Variants in FHIP1A observed in about 807,000 individuals in gnomAD.
The protein encoded by FHIP1A is FHF complex subunit HOOK-interacting protein 1A.
In FHIP1A, 61 loss-of-function variants were observed where a neutral mutation model predicts 88.6. The observed-to-expected ratio is 0.69, with a 90% CI of 0.56 to 0.85. The LOEUF (loss-of-function observed/expected upper bound fraction) is 0.85, where lower values mean the gene tolerates loss of function less well. Among genes scored for constraint, FHIP1A ranks in the 40% least tolerant of loss-of-function variants. FHIP1A has a pLI of 0.00. For missense variants in FHIP1A, 1,154 were observed against 1,273.5 expected (o/e 0.91, Z 1.43); for synonymous variants, 478 against 496.0 (o/e 0.96, Z 0.48).
At chr4:151,515,803 T>TACAA (rs1731212872) in intron 3 of FHIP1A, among the ~76,000 whole-genome samples, 1 of 151,778 alleles carries the variant, frequency 6.6e-6, no homozygotes, top group Non-Finnish European at 1.5e-5. Flanking sequence ...TAAAAGAGGA[T>TACAA]ACAAACAAAT....
At chr4:151,587,589 C>A (rs926776748) in intron 6 of FHIP1A, among the ~76,000 whole-genome samples, 1 of 150,350 alleles carries the variant, frequency 6.7e-6, no homozygotes, top group East Asian at 2.0e-4. Flanking sequence ...CATATGTATA[C>A]ATGTGTCATT....
chr4:151,528,526 A>G (rs1005640486), intron 3 of FHIP1A, among the ~76,000 whole-genome samples: 4 of 152,240 alleles, frequency 2.6e-5, no homozygotes, highest in Non-Finnish European at 5.9e-5. Context: ...AAGGTGCTCC[A>G]GAAAAGCTGG....
intron 7 of FHIP1A, among the ~76,000 whole-genome samples, chr4:151,601,438 T>G (rs1263267951): frequency 6.6e-6 from 1 of 151,976 alleles, no homozygotes. Context: ...TTGGGTTTAA[T>G]GCATAAGTAA....
intron 8 of FHIP1A, among the ~76,000 whole-genome samples, chr4:151,631,705 T>G (rs1416481192): frequency 6.6e-6 from 1 of 152,120 alleles, no homozygotes; most frequent in Non-Finnish European, 1.5e-5. Context: ...AGAGACATAT[T>G]GAAGTGTGCA....
intron 11 of FHIP1A, 137 bp downstream of exon 11, chr4:151,650,729 C>G (rs1481702776): frequency 1.8e-6 from 2 of 1,125,274 alleles, no homozygotes; most frequent in African/African-American, 3.1e-5. Flanking sequence ...TTGTAAAGAT[C>G]AAAGAGGGGT....
chr4:151,453,779 GGCGGTTTTTGAACTGGGAGGCGGAGGTT>G (rs1728876461), intron 1 of FHIP1A, among the ~76,000 whole-genome samples: 1 of 151,916 alleles, frequency 6.6e-6, no homozygotes, highest in Non-Finnish European at 1.5e-5. Context: ...AGGCGGAGGT[GGCGGTTTTTGAACTGGGAGGCGGAGGTT>G]GCGGTGAGCC....
At chr4:151,538,911 A>G (rs1040346974) in intron 3 of FHIP1A, among the ~76,000 whole-genome samples, 1 of 152,250 alleles carries the variant, frequency 6.6e-6, no homozygotes, top group African/African-American at 2.4e-5. Context: ...TTACATAGGT[A>G]TGGAGCAGTG....
intron 7 of FHIP1A, among the ~76,000 whole-genome samples, chr4:151,594,911 CTCTT>C (rs1734589472): frequency 6.6e-6 from 1 of 152,056 alleles, no homozygotes; most frequent in Non-Finnish European, 1.5e-5. Flanking sequence ...TGATTCTTCT[CTCTT>C]TTCTTTTTTT....
At chr4:151,518,569 C>G (rs1731332299) in intron 3 of FHIP1A, among the ~76,000 whole-genome samples, 1 of 151,496 alleles carries the variant, frequency 6.6e-6, no homozygotes, top group Admixed American at 6.6e-5. Context: ...AAAGAAAGAC[C>G]TAACCCATCA....
rs1295253927 is a variant in FHIP1A at position 151,615,163 on chromosome 4, G to A, written c.979-14539G>A. On this transcript the variant is annotated intron_variant, in intron 7 of 13. Coordinates refer to ENST00000435205, the MANE Select transcript of FHIP1A (RefSeq NM_001109977.3). The stretch of plus-strand genomic sequence containing the variant: ...AATGGGAGACAGTGTCTTTGACGAC[G>A]TGTTCCAAATGGTTGATACAGATAT... 4.0e-5 allele frequency among the ~76,000 whole-genome samples: 6 copies of A among 151,312 alleles called. 1 individual carries two copies. The highest frequency in any genetic ancestry group is 2.0e-4 in the Admixed American group (3 of 15,194).
At chr4:151,558,658 G>T (rs770124305) in intron 3 of FHIP1A, among the ~76,000 whole-genome samples, 2 of 152,184 alleles carry the variant, frequency 1.3e-5, no homozygotes, top group African/African-American at 4.8e-5. Flanking sequence ...AGAAATCTTC[G>T]TAGTGAGCTA....
At chr4:151,649,270 G>A (rs1736908955) in intron 10 of FHIP1A, among the ~76,000 whole-genome samples, 189 bp from the exon 11 acceptor site, 1 of 152,160 alleles carries the variant, frequency 6.6e-6, no homozygotes, top group Non-Finnish European at 1.5e-5. Flanking sequence ...TTCCGTGAGG[G>A]TAGAGTTTCT....
chr4:151,594,078 T>C (rs945191397), intron 7 of FHIP1A, among the ~76,000 whole-genome samples: 1 of 152,028 alleles, frequency 6.6e-6, no homozygotes, highest in African/African-American at 2.4e-5. Context: ...GATTTGCATA[T>C]GTTGAACCAG....
At chr4:151,448,880 A>G (rs780992520) in intron 1 of FHIP1A, among the ~76,000 whole-genome samples, 41 of 152,282 alleles carry the variant, frequency 2.7e-4, no homozygotes, top group African/African-American at 9.6e-4. Context: ...AGGAACTGCC[A>G]TACTGTTTTC....
At chr4:151,602,516 T>G (rs1236437602) in intron 7 of FHIP1A, among the ~76,000 whole-genome samples, 1 of 151,776 alleles carries the variant, frequency 6.6e-6, no homozygotes, top group Admixed American at 6.6e-5. Flanking sequence ...CCAGGGCAGG[T>G]GGGGAGGGAG....
Position 151,638,399 on chromosome 4 carries a change from C to A in FHIP1A, c.1147-278C>A, listed in dbSNP as rs190546181. ...AATTGTAGGTAGAATGTTTATCTGTCTGGATCTTTAAAAGTTGGAAATATG... is the reference window on the plus strand; with the variant it reads ...AATTGTAGGTAGAATGTTTATCTGTATGGATCTTTAAAAGTTGGAAATATG... On this transcript the variant is annotated intron_variant, in intron 8 of 13. Transcript: ENST00000435205. Among the ~76,000 whole-genome samples the A allele has an allele frequency of 4.1e-3, 621 of 149,984 alleles. 8 individuals carry two copies. The highest frequency in any genetic ancestry group is 0.021 in the Middle Eastern group (6 of 286).
intron 4 of FHIP1A, among the ~76,000 whole-genome samples, chr4:151,572,922 A>G (rs1733649196): frequency 6.6e-6 from 1 of 152,204 alleles, no homozygotes; most frequent in Non-Finnish European, 1.5e-5. Context: ...TAAGTGATTT[A>G]TGTAGAGCCT....
At chr4:151,464,099 G>A (rs1218139634) in intron 2 of FHIP1A, among the ~76,000 whole-genome samples, 1 of 151,988 alleles carries the variant, frequency 6.6e-6, no homozygotes, top group African/African-American at 2.4e-5. Context: ...TGCCCAGGCT[G>A]GACTTGAACT....
chr4:151,576,801 A>C (rs916007947), intron 4 of FHIP1A: 2 of 152,278 alleles, frequency 1.3e-5, no homozygotes, highest in African/African-American at 4.8e-5. Context: ...TGAAGAGGGC[A>C]TCCATCCAAG....
Sources: gnomAD v4.1 joint callset for allele counts (sites outside exome capture counted in the v4.1 genomes callset) on GRCh38, gnomAD v4.1.1 for gene constraint, MANE v1.5 for transcripts, NCBI Gene and HGNC (gene_info 2026-07-23, HGNC 2026-07-21) for gene names.